Variants in FBXO31 observed in about 807,000 individuals in gnomAD.
FBXO31 encodes F-box protein 31.
In FBXO31, 24 loss-of-function variants were observed where a neutral mutation model predicts 54.4. The observed-to-expected ratio is 0.44, with a 90% CI of 0.32 to 0.62. The LOEUF (loss-of-function observed/expected upper bound fraction) is 0.62. FBXO31 is among the 20% of genes least tolerant of loss of function. FBXO31 has a pLI of 0.05. For missense variants in FBXO31, 665 were observed against 787.1 expected (o/e 0.84, Z 1.86); for synonymous variants, 388 against 335.6 (o/e 1.16, Z -1.71).
chr16:87,330,195 G>C lies in FBXO31; in HGVS notation c.*1093C>G, dbSNP rs575454613. On this transcript the variant is annotated 3_prime_UTR_variant, in exon 9 of 9. Coordinates refer to ENST00000311635, the MANE Select transcript of FBXO31 (RefSeq NM_024735.5). ...CCTCAGATGGGGTCCCCACACGCAGGTGTTAACACAACATGGGGCACACAG... is the reference window on the plus strand; with the variant it reads ...CCTCAGATGGGGTCCCCACACGCAGCTGTTAACACAACATGGGGCACACAG... 1 of 152,438 alleles carries C rather than the reference G, an allele frequency of 6.6e-6. No homozygotes were observed. The highest frequency in any genetic ancestry group is 2.4e-5 in the African/African-American group (1 of 41,480). The allele number at this position is 152,438 out of a possible 1,614,324, so 9.4% of individuals were successfully genotyped here.
intron 2 of FBXO31, among the ~76,000 whole-genome samples, chr16:87,350,076 A>G (rs1233937969): frequency 1.3e-5 from 2 of 152,126 alleles, no homozygotes; most frequent in Non-Finnish European, 2.9e-5. Flanking sequence ...CTGCACCTGT[A>G]TCTGCTTGAG....
chr16:87,359,750 C>G (rs537276309), intron 2 of FBXO31, among the ~76,000 whole-genome samples: 1 of 152,308 alleles, frequency 6.6e-6, no homozygotes, highest in South Asian at 2.1e-4. Context: ...GGGAAGACAG[C>G]CTGGGGCCAA....
At chr16:87,377,023 GA>G (rs1906852702) in intron 1 of FBXO31, among the ~76,000 whole-genome samples, 1 of 152,228 alleles carries the variant, frequency 6.6e-6, no homozygotes, top group Non-Finnish European at 1.5e-5. Flanking sequence ...TGACCTAGAT[GA>G]GGTGGAATTA....
At chr16:87,353,412 G>T (rs546420647) in intron 2 of FBXO31, among the ~76,000 whole-genome samples, 107 of 152,340 alleles carry the variant, frequency 7.0e-4, no homozygotes, top group Non-Finnish European at 1.2e-3. Context: ...CTCAGAATGT[G>T]GCCCTCTGTG....
At chr16:87,384,630 C>T (rs1049866394), upstream of FBXO31, among the ~76,000 whole-genome samples, 5 of 152,278 alleles carry the variant, frequency 3.3e-5, no homozygotes, top group Non-Finnish European at 4.4e-5. Context: ...GCGCACGTCG[C>T]CGTGGGCTCG....
rs906579944 is a variant in FBXO31 at position 87,343,835 on chromosome 16, C to T, written c.490-70G>A. The T allele has an allele frequency of 1.9e-6, 3 of 1,545,306 alleles. No homozygotes were observed. The East Asian group carries it at 6.8e-5, about 35-fold the overall frequency. ...AGAGCAAGGGCGGCCCCGCACGGCT[C>T]CCCGCACTGCAATGGCACAGAGAAG... On this transcript the variant is annotated intron_variant, in intron 3 of 8. Transcript: ENST00000311635.
At position 87,389,159 on chromosome 16, in the gene FBXO31, A is replaced by G. The variant is rs116482616; in HGVS notation, c.-177+578T>C. Among the ~76,000 whole-genome samples the G allele has an allele frequency of 5.4e-3, 826 of 151,700 alleles. 8 individuals are homozygous for G. The highest frequency in any genetic ancestry group is 0.019 in the African/African-American group (803 of 41,428). On this transcript the variant is annotated intron_variant, in intron 1 of 8. Coordinates refer to the FBXO31 transcript ENST00000618298. Reference sequence around the variant, plus strand: ...TGTACATTATTATAATATATATACAATAGATATATATTATTTAACTAAATG... The same window carrying G: ...TGTACATTATTATAATATATATACAGTAGATATATATTATTTAACTAAATG...
Position 87,383,022 on chromosome 16 carries a change from G to GC in FBXO31, c.340+382dup, listed in dbSNP as rs1336485597. ...CTTCAAGACAGGGGCAGAGGAGGCG[G>GC]CCCCCAGGCGTCAGCTTAGGCCCCG... On this transcript the variant is annotated intron_variant, in intron 1 of 8. Transcript: ENST00000311635. The surrounding 1 kb of genome is among the most constrained non-coding windows in gnomAD (Gnocchi z 4.9). 6.6e-6 allele frequency among the ~76,000 whole-genome samples: 1 copy of GC among 152,090 alleles called. No homozygotes were observed. Among genetic ancestry groups the GC allele is most frequent in the Non-Finnish European group, 1.5e-5 (1 of 68,012 alleles).
rs1906003945 is a variant in FBXO31, at chr16:87,358,674, T to C, written c.412+1621A>G. On this transcript the variant is annotated intron_variant, in intron 2 of 8. Coordinates refer to ENST00000311635, the MANE Select transcript of FBXO31 (RefSeq NM_024735.5). The surrounding 1 kb of genome is among the most constrained non-coding windows in gnomAD (Gnocchi z 4.0). ...AGAAACCTGCTGGAGAGAACAACAC[T>C]GTGACACGTTTTCCTTCCATCAGTG... Among the ~76,000 whole-genome samples the C allele has an allele frequency of 6.6e-6, 1 of 152,090 alleles. No homozygotes were observed. Among genetic ancestry groups the C allele is most frequent in the Non-Finnish European group, 1.5e-5 (1 of 68,028 alleles).
At chr16:87,375,865 A>G (rs769869965) in intron 1 of FBXO31, among the ~76,000 whole-genome samples, 1 of 152,128 alleles carries the variant, frequency 6.6e-6, no homozygotes, top group South Asian at 2.1e-4. Context: ...CCAAAGAAAC[A>G]CTATTAGAAA....
At chr16:87,334,477 G>A (rs951180853) in intron 7 of FBXO31, among the ~76,000 whole-genome samples, 191 bp from the exon 8 acceptor site, 2 of 152,222 alleles carry the variant, frequency 1.3e-5, no homozygotes, top group African/African-American at 4.8e-5. Flanking sequence ...ACACCTATGA[G>A]TGCCCCTGAG....
chr16:87,366,622 G>A (rs1906378859), intron 1 of FBXO31, among the ~76,000 whole-genome samples: 1 of 152,216 alleles, frequency 6.6e-6, no homozygotes, highest in Non-Finnish European at 1.5e-5. Flanking sequence ...TTTCAGGAAA[G>A]GAGTGGACAC....
upstream of FBXO31, among the ~76,000 whole-genome samples, chr16:87,387,365 T>C (rs1051450810): frequency 3.9e-5 from 6 of 152,336 alleles, no homozygotes; most frequent in Admixed American, 2.6e-4. Context: ...GAAGAGATCA[T>C]TTGTTTTAAC....
At position 87,378,435 on chromosome 16, in the gene FBXO31, G is replaced by A. The variant is rs79063285; in HGVS notation, c.340+4970C>T. Among the ~76,000 whole-genome samples, 1,048 of 152,256 alleles carry A rather than the reference G, an allele frequency of 6.9e-3. 11 individuals carry two copies. The highest frequency in any genetic ancestry group is 0.024 in the African/African-American group (987 of 41,560). On this transcript the variant is annotated intron_variant, in intron 1 of 8. Transcript: ENST00000311635. ...TCATTAAAATTAGAGAGAACTTAGC[G>A]GAATTAGAGAATTCACTGGATTAAA...
At chr16:87,344,008 C>T (rs928075421) in intron 3 of FBXO31, among the ~76,000 whole-genome samples, 1 of 152,212 alleles carries the variant, frequency 6.6e-6, no homozygotes, top group African/African-American at 2.4e-5. Context: ...GCCGACCAGA[C>T]AGAGGGAAAG....
At chr16:87,384,142 C>T (rs1390859345), upstream of FBXO31, 1 of 154,018 alleles carries the variant, frequency 6.5e-6, no homozygotes, top group African/African-American at 2.4e-5. Context: ...ATAGGGGTCG[C>T]CCCTCGCGCC....
intron 1 of FBXO31, among the ~76,000 whole-genome samples, chr16:87,369,774 T>C (rs1184759593): frequency 1.3e-5 from 2 of 152,232 alleles, no homozygotes; most frequent in Non-Finnish European, 2.9e-5. Context: ...TGACTATTTT[T>C]CATAAATTTC....
intron 5 of FBXO31, among the ~76,000 whole-genome samples, chr16:87,341,105 G>C (rs1439474039): frequency 6.6e-6 from 1 of 152,054 alleles, no homozygotes; most frequent in East Asian, 1.9e-4. Flanking sequence ...CAAGATTCCA[G>C]CAATACCTTC....
At chr16:87,352,460 A>G (rs750097847) in intron 2 of FBXO31, among the ~76,000 whole-genome samples, 4 of 152,204 alleles carry the variant, frequency 2.6e-5, no homozygotes, top group Non-Finnish European at 5.9e-5. Flanking sequence ...AACCAAAAAA[A>G]AAATTGTTAA....
Sources: allele counts gnomAD v4.1 joint callset (sites outside exome capture counted in the v4.1 genomes callset), GRCh38; gene constraint gnomAD v4.1.1; non-coding constraint Gnocchi (gnomAD v3.1); transcripts MANE v1.5; gene names NCBI Gene and HGNC (gene_info 2026-07-23, HGNC 2026-07-21).